The following GPC6 variants were observed in gnomAD, a reference collection of about 807,000 sequenced individuals.
GPC6 encodes glypican-6.
GPC6 carries 14 observed loss-of-function variants against 55.2 expected under a neutral mutation model. That is an observed-to-expected ratio of 0.25 (90% CI 0.17 to 0.40). GPC6 has a LOEUF of 0.40. Among genes scored for constraint, GPC6 ranks in the 10% least tolerant of loss-of-function variants. The pLI is 1.00. For missense variants in GPC6, 641 were observed against 708.5 expected (o/e 0.90, Z 1.08); for synonymous variants, 278 against 259.6 (o/e 1.07, Z -0.68).
At chr13:93,536,574 G>A (rs887831434) in intron 1 of GPC6, among the ~76,000 whole-genome samples, 1 of 152,124 alleles carries the variant, frequency 6.6e-6, no homozygotes, top group African/African-American at 2.4e-5. Context: ...TTTTTATGGG[G>A]AAATAATAGT....
chr13:93,405,736 A>G (rs186223199), intron 1 of GPC6, among the ~76,000 whole-genome samples: 1 of 152,354 alleles, frequency 6.6e-6, no homozygotes, highest in Admixed American at 6.5e-5. Context: ...ACAGAACAAT[A>G]AAACAGAGAT....
intron 1 of GPC6, among the ~76,000 whole-genome samples, chr13:93,403,490 C>T (rs1360416723): frequency 2.0e-5 from 3 of 152,136 alleles, no homozygotes; most frequent in Non-Finnish European, 2.9e-5. Context: ...TTATTAATAC[C>T]TCATCATAAT....
chr13:94,309,844 C>G (rs1355656390), intron 6 of GPC6, among the ~76,000 whole-genome samples: 1 of 151,622 alleles, frequency 6.6e-6, no homozygotes, highest in Non-Finnish European at 1.5e-5. Context: ...ACAAACTCCC[C>G]TTAGAAGCCC....
intron 3 of GPC6, among the ~76,000 whole-genome samples, chr13:93,842,603 T>C (rs1260087901): frequency 6.6e-6 from 1 of 152,164 alleles, no homozygotes; most frequent in African/African-American, 2.4e-5. Flanking sequence ...TGCTTGTGTT[T>C]GTCACTTGGG....
chr13:94,015,243 G>A (rs568546720), intron 3 of GPC6, among the ~76,000 whole-genome samples: 1 of 152,240 alleles, frequency 6.6e-6, no homozygotes, highest in Admixed American at 6.5e-5. Context: ...ATGGTGTGAA[G>A]CAGTATCATA....
intron 3 of GPC6, among the ~76,000 whole-genome samples, chr13:94,023,890 T>C (rs1412211200): frequency 6.6e-6 from 1 of 152,004 alleles, no homozygotes; most frequent in African/African-American, 2.4e-5. Context: ...AGGTTACTTA[T>C]TGTATGGTTT....
chr13:94,045,554 A>G (rs1006439823), intron 4 of GPC6, among the ~76,000 whole-genome samples: 6 of 151,966 alleles, frequency 3.9e-5, no homozygotes, highest in African/African-American at 1.4e-4. Flanking sequence ...GACTTGCAGA[A>G]TTATTTCTAC....
At chr13:93,307,940 A>G (rs868592167) in intron 1 of GPC6, among the ~76,000 whole-genome samples, 4 of 152,196 alleles carry the variant, frequency 2.6e-5, no homozygotes, top group Admixed American at 6.6e-5. Flanking sequence ...ATACAGATTT[A>G]TCTGCCAATT....
rs893085789 is a variant in GPC6 at position 94,035,443 on chromosome 13, G to A, written c.877+7549G>A. Among the ~76,000 whole-genome samples the A allele has an allele frequency of 2.6e-4, 40 of 152,022 alleles. 1 individual carries two copies. The highest frequency in any genetic ancestry group is 3.1e-4 in the Non-Finnish European group (21 of 67,950). On this transcript the variant is annotated intron_variant, in intron 4 of 8. Coordinates refer to ENST00000377047, the MANE Select transcript of GPC6 (RefSeq NM_005708.5). ...AAGAAATTATTGTGATGTAGAACTA[G>A]AAAGTAAGGAACATAGAGCTAAGTA...
chr13:93,370,674 A>T (rs2139190824), intron 1 of GPC6, among the ~76,000 whole-genome samples: 1 of 152,274 alleles, frequency 6.6e-6, no homozygotes, highest in Admixed American at 6.6e-5. Context: ...GTGAGCATCC[A>T]TGTAGCCTGC....
intron 1 of GPC6, among the ~76,000 whole-genome samples, chr13:93,380,049 G>A (rs1875094083): frequency 1.3e-5 from 2 of 151,512 alleles, no homozygotes; most frequent in Admixed American, 1.3e-4. Context: ...TTTTCAGTGG[G>A]AAAATGCTGG....
At chr13:94,397,565 G>T (rs1322727913) in intron 7 of GPC6, among the ~76,000 whole-genome samples, 3 of 152,068 alleles carry the variant, frequency 2.0e-5, no homozygotes, top group Non-Finnish European at 4.4e-5. Flanking sequence ...AGTAACCACT[G>T]CTTACTTCTG....
chr13:94,136,535 C>G (rs1887191302), intron 4 of GPC6, among the ~76,000 whole-genome samples: 1 of 151,994 alleles, frequency 6.6e-6, no homozygotes. Flanking sequence ...ATGGTGAAAC[C>G]CTGTCTCTAC....
intron 2 of GPC6, among the ~76,000 whole-genome samples, chr13:93,624,009 A>T (rs1377037008): frequency 6.6e-6 from 1 of 152,152 alleles, no homozygotes; most frequent in African/African-American, 2.4e-5. Context: ...CATTGTTTGA[A>T]ATATTTTCCC....
chr13:94,388,624 C>CT (rs893700378), intron 7 of GPC6, among the ~76,000 whole-genome samples: 2 of 152,186 alleles, frequency 1.3e-5, no homozygotes, highest in African/African-American at 4.8e-5. Context: ...ATATAATAGA[C>CT]TAAACAACAG....
At chr13:93,467,914 CCTT>C (rs1878973638) in intron 1 of GPC6, among the ~76,000 whole-genome samples, 1 of 151,958 alleles carries the variant, frequency 6.6e-6, no homozygotes, top group South Asian at 2.1e-4. Flanking sequence ...TGTCCTGTAA[CCTT>C]CTAAGTGTTT....
At chr13:93,874,066 A>G (rs1266416482) in intron 3 of GPC6, among the ~76,000 whole-genome samples, 1 of 151,912 alleles carries the variant, frequency 6.6e-6, no homozygotes. Flanking sequence ...AAAAGCTTTT[A>G]TTATAGCTTC....
chr13:93,398,993 A>G (rs1212524780), intron 1 of GPC6, among the ~76,000 whole-genome samples: 1 of 152,110 alleles, frequency 6.6e-6, no homozygotes, highest in Non-Finnish European at 1.5e-5. Context: ...GAAACTGAAG[A>G]AACCTTTCTT....
intron 1 of GPC6, among the ~76,000 whole-genome samples, chr13:93,279,478 T>C (rs1028273556): frequency 1.3e-5 from 2 of 152,236 alleles, no homozygotes; most frequent in Non-Finnish European, 2.9e-5. Flanking sequence ...AATAGCTTCT[T>C]GAACCTTATT....
Sources: gnomAD v4.1 joint callset for allele counts (sites outside exome capture counted in the v4.1 genomes callset) on GRCh38, gnomAD v4.1.1 for gene constraint, MANE v1.5 for transcripts, NCBI Gene and HGNC (gene_info 2026-07-23, HGNC 2026-07-21) for gene names.